ATXN7: variants seen among roughly 807,000 people sequenced by gnomAD.
ATXN7 encodes the protein ataxin 7.
ATXN7 carries 12 observed loss-of-function variants against 70.5 expected under a neutral mutation model. The ratio of observed to expected loss-of-function variants is 0.17; its 90% confidence interval spans 0.11 to 0.28. The LOEUF (loss-of-function observed/expected upper bound fraction) is 0.28. Among genes scored for constraint, ATXN7 ranks in the 10% least tolerant of loss-of-function variants. ATXN7 has a pLI of 1.00. For missense variants in ATXN7, 1,256 were observed against 1,131.7 expected (o/e 1.11, Z -1.58); for synonymous variants, 498 against 448.7 (o/e 1.11, Z -1.39).
chr3:63,925,730 G>A (rs896150275), intron 4 of ATXN7, among the ~76,000 whole-genome samples: 3 of 152,290 alleles, frequency 2.0e-5, no homozygotes, highest in Admixed American at 6.5e-5. Flanking sequence ...AACTTGAGGT[G>A]GAATCCTGTC....
intron 8 of ATXN7, among the ~76,000 whole-genome samples, chr3:63,984,127 A>T (rs745839067): frequency 2.0e-5 from 3 of 151,970 alleles, no homozygotes; most frequent in Non-Finnish European, 1.5e-5. Flanking sequence ...TAATTTTAGT[A>T]TATAGATTTT....
upstream of ATXN7, chr3:63,863,852 G>C: frequency 8.2e-7 from 1 of 1,217,162 alleles, no homozygotes; most frequent in Non-Finnish European, 1.0e-6. Flanking sequence ...TGGCGGCGGC[G>C]GAGGTCAAAC....
At chr3:63,895,300 T>C (rs1703407905) in intron 1 of ATXN7, among the ~76,000 whole-genome samples, 1 of 152,164 alleles carries the variant, frequency 6.6e-6, no homozygotes, top group South Asian at 2.1e-4. Flanking sequence ...AACACAGAAA[T>C]GTTACTCCTA....
chr3:63,982,623 A>AGTGTGTGTGTGTGT (rs71099784), intron 7 of ATXN7, among the ~76,000 whole-genome samples, 178 bp downstream of exon 7: 45 of 143,576 alleles, frequency 3.1e-4, no homozygotes, highest in East Asian at 1.0e-3. Flanking sequence ...AAAGAGCATG[A>AGTGTGTGTGTGTGT]GTGTGTGTGT....
At chr3:63,911,580 G>T (rs1438468482) in intron 2 of ATXN7, 1 of 152,160 alleles carries the variant, frequency 6.6e-6, no homozygotes, top group Non-Finnish European at 1.5e-5. Context: ...TTGGGGTGGT[G>T]CCTCTAAAAT....
At chr3:63,957,769 T>C (rs2075062861) in intron 5 of ATXN7, among the ~76,000 whole-genome samples, 1 of 152,198 alleles carries the variant, frequency 6.6e-6, no homozygotes, top group Non-Finnish European at 1.5e-5. Flanking sequence ...TTTGATGTTA[T>C]TAATATTAGA....
At position 63,866,051 on chromosome 3, in the gene ATXN7, C is replaced by A. The variant is rs541880362; in HGVS notation, c.-111+1893C>A. 5.7e-4 allele frequency among the ~76,000 whole-genome samples: 87 copies of A among 151,866 alleles called. 5 individuals are homozygous for A. In the East Asian group the frequency reaches 0.015, roughly 27 times the overall value. ...ATATTTTCATGGGAAAGTATCACTG[C>A]CCCCTGTAACTTAAATTTTCGTGAG... On this transcript the variant is annotated intron_variant, in intron 1 of 12. Transcript: ENST00000674280.
intron 12 of ATXN7, chr3:63,998,634 C>G (rs2075797218): frequency 2.0e-6 from 2 of 985,384 alleles, no homozygotes; most frequent in African/African-American, 1.7e-5. Flanking sequence ...TTATGCTACA[C>G]AAATCCTGGG....
intron 10 of ATXN7, 164 bp downstream of exon 10, chr3:63,990,538 C>T (rs1317968685): frequency 3.3e-5 from 37 of 1,134,096 alleles, no homozygotes; most frequent in Non-Finnish European, 4.2e-5. Context: ...ACACTCTGTA[C>T]GGGGGACATC....
chr3:63,980,318 C>T, intron 6 of ATXN7, 151 bp downstream of exon 6: 1 of 1,119,604 alleles, frequency 8.9e-7, no homozygotes, highest in Non-Finnish European at 1.3e-6. Flanking sequence ...TGATGTTTCC[C>T]TGTCATGTCA....
At chr3:63,873,560 G>A (rs1037180374) in intron 1 of ATXN7, among the ~76,000 whole-genome samples, 1 of 152,200 alleles carries the variant, frequency 6.6e-6, no homozygotes, top group African/African-American at 2.4e-5. Flanking sequence ...TTGATGGAGG[G>A]CAGGTAAAAC....
chr3:63,989,784 C>T (rs148665008), intron 9 of ATXN7, among the ~76,000 whole-genome samples: 10 of 152,196 alleles, frequency 6.6e-5, no homozygotes, highest in South Asian at 2.1e-4. Context: ...CCATGGATAC[C>T]GAGGGACAAC....
intron 1 of ATXN7, among the ~76,000 whole-genome samples, chr3:63,868,937 C>T (rs569739141): frequency 6.6e-6 from 1 of 152,094 alleles, no homozygotes; most frequent in East Asian, 1.9e-4. Context: ...CAGTTGGGTA[C>T]CTGTGTTGAT....
chr3:63,867,691 C>G (rs900608561), intron 1 of ATXN7, among the ~76,000 whole-genome samples: 4 of 152,072 alleles, frequency 2.6e-5, no homozygotes, highest in African/African-American at 9.7e-5. Flanking sequence ...AATTCAAGAG[C>G]AGCCTGGCCA....
intron 5 of ATXN7, among the ~76,000 whole-genome samples, chr3:63,953,736 C>T (rs1360163159): frequency 4.0e-5 from 6 of 151,448 alleles, no homozygotes; most frequent in South Asian, 2.1e-4. Flanking sequence ...CTGCAACCTC[C>T]GCCTCCCAGA....
chr3:63,909,880 A>T (rs1286219226), intron 2 of ATXN7, among the ~76,000 whole-genome samples: 1 of 152,198 alleles, frequency 6.6e-6, no homozygotes, highest in Non-Finnish European at 1.5e-5. Context: ...TGAATTGCTC[A>T]GTTTAATATA....
intron 5 of ATXN7, chr3:63,968,016 C>T: frequency 3.4e-6 from 5 of 1,473,726 alleles, no homozygotes; most frequent in Non-Finnish European, 4.6e-6. Flanking sequence ...GGGCTTGGCT[C>T]AGGGCCCAGC....
intron 5 of ATXN7, among the ~76,000 whole-genome samples, chr3:63,959,543 TAGAG>T (rs753487958): frequency 7.9e-5 from 12 of 152,202 alleles, no homozygotes; most frequent in Non-Finnish European, 1.8e-4. Context: ...TTATTAATAT[TAGAG>T]AGTGATAGCG....
chr3:63,863,803 G>T, upstream of ATXN7: 1 of 1,096,690 alleles, frequency 9.1e-7, no homozygotes, highest in Non-Finnish European at 1.1e-6. Context: ...CGTGCGCGGC[G>T]GCGGCGGCGG....
Sources: allele counts gnomAD v4.1 joint callset (sites outside exome capture counted in the v4.1 genomes callset), GRCh38; gene constraint gnomAD v4.1.1; transcripts MANE v1.5; gene names NCBI Gene and HGNC (gene_info 2026-07-23, HGNC 2026-07-21).